STK32B: variants seen among roughly 807,000 people sequenced by gnomAD.
STK32B encodes serine/threonine-protein kinase 32B.
A neutral mutation model predicts 52.6 loss-of-function variants in STK32B; 43 were observed. That is an observed-to-expected ratio of 0.82 (90% CI 0.64 to 1.05). STK32B has a LOEUF of 1.05. Ranked by LOEUF, STK32B falls within the 50% of genes least tolerant of loss-of-function variation. The pLI is 0.00. For missense variants in STK32B, 621 were observed against 534.6 expected (o/e 1.16, Z -1.59); for synonymous variants, 238 against 204.3 (o/e 1.17, Z -1.41).
At chr4:5,201,569 ATTAG>A (rs1230906395) in intron 3 of STK32B, among the ~76,000 whole-genome samples, 1 of 152,238 alleles carries the variant, frequency 6.6e-6, no homozygotes, top group Non-Finnish European at 1.5e-5. Context: ...CAGGACATGT[ATTAG>A]TTTGTTCTCA....
chr4:5,330,354 A>G (rs1261163910), intron 3 of STK32B, among the ~76,000 whole-genome samples: 1 of 152,186 alleles, frequency 6.6e-6, no homozygotes, highest in East Asian at 1.9e-4. Context: ...CTCAGATTCT[A>G]TGTGTTGGCT....
intron 1 of STK32B, among the ~76,000 whole-genome samples, chr4:5,065,121 AC>A (rs1339078591): frequency 2.6e-5 from 4 of 151,826 alleles, no homozygotes; most frequent in Admixed American, 6.6e-5. Flanking sequence ...GATCTTGTCA[AC>A]CCCTGCATGT....
chr4:5,383,393 C>T (rs938169492), intron 4 of STK32B, among the ~76,000 whole-genome samples: 5 of 152,142 alleles, frequency 3.3e-5, no homozygotes, highest in Admixed American at 6.5e-5. Flanking sequence ...CCGAGCTGAC[C>T]ACTGGAGCTT....
intron 6 of STK32B, chr4:5,436,543 T>A: frequency 1.0e-6 from 1 of 970,576 alleles, no homozygotes. Context: ...AAGGACAGAT[T>A]GGAGGTCTCT....
chr4:5,197,157 A>C (rs1363070600), intron 3 of STK32B, among the ~76,000 whole-genome samples: 4 of 152,154 alleles, frequency 2.6e-5, no homozygotes, highest in African/African-American at 7.2e-5. Flanking sequence ...AGGGAGGGAC[A>C]ATAGGGAGTG....
intron 3 of STK32B, among the ~76,000 whole-genome samples, chr4:5,203,358 A>G (rs4689203): frequency 0.61 from 92,757 of 151,646 alleles, 28,939 homozygotes; most frequent in East Asian, 0.75. Context: ...ATTTTTGCCC[A>G]TTCTATTCCC....
the STK32B span, among the ~76,000 whole-genome samples, chr4:5,039,587 C>T: frequency 1.3e-5 from 2 of 152,176 alleles, no homozygotes; most frequent in Admixed American, 6.5e-5. Flanking sequence ...AGGAGGCACA[C>T]ATTTTAAAAT....
chr4:5,327,122 T>C (rs184753610), intron 3 of STK32B, among the ~76,000 whole-genome samples: 1 of 152,000 alleles, frequency 6.6e-6, no homozygotes, highest in African/African-American at 2.4e-5. Context: ...GGCAGCAATT[T>C]AGTCACATTT....
rs191771349 is a variant in STK32B at position 5,105,117 on chromosome 4, G to A, written c.53-34788G>A. 1.3e-4 allele frequency among the ~76,000 whole-genome samples: 20 copies of A among 152,204 alleles called. No individual in the cohort carries two copies. In the East Asian group the frequency reaches 3.5e-3, roughly 26 times the overall value. On this transcript the variant is annotated intron_variant, in intron 1 of 11. Coordinates refer to ENST00000282908, the MANE Select transcript of STK32B (RefSeq NM_018401.3). ...TTGTTGTCTGACATTTTAAATTTTAGCTACTGGTAGGTGTGTAATGACATC... is the reference window on the plus strand; with the variant it reads ...TTGTTGTCTGACATTTTAAATTTTAACTACTGGTAGGTGTGTAATGACATC...
intron 4 of STK32B, among the ~76,000 whole-genome samples, chr4:5,393,522 T>C (rs567791517): frequency 6.6e-6 from 1 of 152,258 alleles, no homozygotes; most frequent in South Asian, 2.1e-4. Context: ...CTTGGATTCT[T>C]GGGAGGCCTC....
At chr4:5,269,084 G>T (rs1727243733) in intron 3 of STK32B, among the ~76,000 whole-genome samples, 1 of 152,132 alleles carries the variant, frequency 6.6e-6, no homozygotes, top group African/African-American at 2.4e-5. Flanking sequence ...GACCAAGGCA[G>T]CTAGAGTTCA....
intron 1 of STK32B, among the ~76,000 whole-genome samples, chr4:5,138,327 G>T (rs1716201207): frequency 6.6e-6 from 1 of 152,096 alleles, no homozygotes; most frequent in Non-Finnish European, 1.5e-5. Flanking sequence ...GGAACTAATT[G>T]TATTCATTTA....
chr4:5,211,431 C>G (rs985655690), intron 3 of STK32B, among the ~76,000 whole-genome samples: 5 of 151,996 alleles, frequency 3.3e-5, no homozygotes, highest in African/African-American at 9.7e-5. Flanking sequence ...ATCAGGAGCC[C>G]CCAGAGGTAG....
intron 3 of STK32B, among the ~76,000 whole-genome samples, chr4:5,177,183 A>C (rs1372892351): frequency 1.3e-5 from 2 of 152,214 alleles, no homozygotes; most frequent in Non-Finnish European, 2.9e-5. Context: ...ATTGACTCAC[A>C]GTTCTGCGTG....
At chr4:5,029,072 T>C in the STK32B span, among the ~76,000 whole-genome samples, 1 of 152,044 alleles carries the variant, frequency 6.6e-6, no homozygotes, top group Non-Finnish European at 1.5e-5. Flanking sequence ...GGAGAAACCA[T>C]CCCCATGATC....
At chr4:5,360,339 C>T (rs1168728805) in intron 4 of STK32B, among the ~76,000 whole-genome samples, 1 of 152,068 alleles carries the variant, frequency 6.6e-6, no homozygotes, top group African/African-American at 2.4e-5. Context: ...ACTCCATGCC[C>T]AGCAGGGAAA....
chr4:5,201,453 C>G (rs1398838517), intron 3 of STK32B, among the ~76,000 whole-genome samples: 1 of 152,162 alleles, frequency 6.6e-6, no homozygotes, highest in Non-Finnish European at 1.5e-5. Context: ...CTTTTGATAT[C>G]CATACTCAGA....
At chr4:5,300,554 C>T (rs1369392534) in intron 3 of STK32B, among the ~76,000 whole-genome samples, 1 of 152,064 alleles carries the variant, frequency 6.6e-6, no homozygotes, top group Non-Finnish European at 1.5e-5. Context: ...TCCAAAAGAC[C>T]CCTAACCCTG....
intron 3 of STK32B, among the ~76,000 whole-genome samples, chr4:5,319,247 C>G (rs1312701706): frequency 6.6e-6 from 1 of 152,170 alleles, no homozygotes; most frequent in African/African-American, 2.4e-5. Context: ...ATATGGGGCC[C>G]AGAACCTAGG....
Sources: allele counts gnomAD v4.1 joint callset (sites outside exome capture counted in the v4.1 genomes callset), GRCh38; gene constraint gnomAD v4.1.1; transcripts MANE v1.5; gene names NCBI Gene and HGNC (gene_info 2026-07-23, HGNC 2026-07-21).